Variants in PRKN observed in about 807,000 individuals in gnomAD.
PRKN encodes the protein E3 ubiquitin-protein ligase parkin.
A neutral mutation model predicts 59.5 loss-of-function variants in PRKN; 56 were observed. The ratio of observed to expected loss-of-function variants is 0.94; its 90% CI spans 0.76 to 1.18. The LOEUF is 1.18. Among genes scored for constraint, PRKN ranks in the 50% most tolerant of loss-of-function variants. PRKN has a pLI of 0.00. For missense variants in PRKN, 657 were observed against 596.4 expected (o/e 1.10, Z -1.06); for synonymous variants, 250 against 222.1 (o/e 1.13, Z -1.12).
Position 161,454,049 on chromosome 6 carries a change from T to C in PRKN, c.1084-67172A>G, listed in dbSNP as rs931831336. Among the ~76,000 whole-genome samples the C allele has an allele frequency of 5.3e-5, 8 of 152,248 alleles. No individual in the cohort carries two copies. In the South Asian group the frequency reaches 1.0e-3, roughly 20 times the overall value. On this transcript the variant is annotated intron_variant, in intron 9 of 11. Coordinates refer to ENST00000366898, the MANE Select transcript of PRKN (RefSeq NM_004562.3). This position sits in a 1 kb window ranked among gnomAD's most constrained non-coding sequence, Gnocchi z 4.6. ...GCAAATTCTGATGTCAGTAAATACA[T>C]TGAGAGACTAATTTGTCAAGCAAGC... is the stretch of plus-strand genomic sequence containing the variant.
chr6:162,277,765 A>C (rs759071053), intron 2 of PRKN, among the ~76,000 whole-genome samples: 28 of 152,200 alleles, frequency 1.8e-4, no homozygotes, highest in Non-Finnish European at 3.4e-4. Flanking sequence ...ATCCCAGAAC[A>C]AAGGCAACAC....
intron 6 of PRKN, among the ~76,000 whole-genome samples, chr6:161,859,666 T>G: frequency 6.7e-6 from 1 of 148,814 alleles, no homozygotes; most frequent in East Asian, 2.0e-4. Context: ...GTGACAAGAG[T>G]TAACAAAAAC....
rs10597403 is a variant in PRKN at position 161,733,959 on chromosome 6, TACACACACACACACACACAC to T, written c.871+51793_871+51812del. 7.2e-4 allele frequency among the ~76,000 whole-genome samples: 96 copies of T among 133,648 alleles called. No homozygotes were observed. The South Asian group carries it at 0.01, about 14-fold the overall frequency. The allele number at this position is 133,648 out of a possible 152,430, so 87.7% of individuals were successfully genotyped here. On this transcript the variant is annotated intron_variant, in intron 7 of 11. Coordinates refer to ENST00000366898, the MANE Select transcript of PRKN (RefSeq NM_004562.3). ...ACCTCTCTTTTATTGAAAATTCATT[TACACACACACACACACACAC>T]ACACACACACACACACACACACACA...
chr6:162,038,249 A>G (rs1454739122), intron 5 of PRKN, among the ~76,000 whole-genome samples: 1 of 152,178 alleles, frequency 6.6e-6, no homozygotes, highest in Non-Finnish European at 1.5e-5. Context: ...ATTTGAATAC[A>G]TGTTATTTGT....
At chr6:162,144,085 A>G (rs903973706) in intron 4 of PRKN, among the ~76,000 whole-genome samples, 1 of 152,200 alleles carries the variant, frequency 6.6e-6, no homozygotes, top group African/African-American at 2.4e-5. Context: ...AAGGCAAAGA[A>G]AGGGGCTGGT....
intron 1 of PRKN, among the ~76,000 whole-genome samples, chr6:162,580,289 T>C (rs763623631): frequency 2.6e-5 from 4 of 151,818 alleles, no homozygotes; most frequent in Non-Finnish European, 5.9e-5. Flanking sequence ...AATACAAAGA[T>C]TAGCCAGGTG....
At chr6:162,160,553 T>G (rs563847464) in intron 4 of PRKN, among the ~76,000 whole-genome samples, 2 of 152,248 alleles carry the variant, frequency 1.3e-5, no homozygotes, top group Admixed American at 6.5e-5. Flanking sequence ...TGTGTCAAAC[T>G]ATACCTCAGT....
rs146103654 is a variant in PRKN at position 162,081,955 on chromosome 6, T to C, written c.535-27781A>G. Among the ~76,000 whole-genome samples, 355 of 152,248 alleles carry C rather than the reference T, an allele frequency of 2.3e-3. 6 individuals are homozygous for C. The highest frequency in any genetic ancestry group is 8.0e-3 in the African/African-American group (332 of 41,508). ...ACTGTGATGGAGATGGCTTCTTTCC[T>C]TAAACCTCATGAATCTACCTCTGCC... On this transcript the variant is annotated intron_variant, in intron 4 of 11. Coordinates refer to ENST00000366898, the MANE Select transcript of PRKN (RefSeq NM_004562.3).
chr6:162,537,706 C>T (rs1393183583), intron 1 of PRKN, among the ~76,000 whole-genome samples: 1 of 152,172 alleles, frequency 6.6e-6, no homozygotes, highest in Non-Finnish European at 1.5e-5. Context: ...TGTCCTGTCC[C>T]TATTTCTACA....
chr6:162,226,975 A>C (rs546137709), intron 3 of PRKN, among the ~76,000 whole-genome samples: 1 of 152,320 alleles, frequency 6.6e-6, no homozygotes, highest in East Asian at 1.9e-4. Context: ...TTGCTGCGCT[A>C]ATGATCCGGC....
rs1780731410 is a variant in PRKN, at chr6:162,278,450, C to T, written c.172-15685G>A. Among the ~76,000 whole-genome samples the T allele has an allele frequency of 3.3e-5, 5 of 152,244 alleles. No homozygotes were observed. In the South Asian group the frequency reaches 1.0e-3, roughly 32 times the overall value. ...GTAAGCTATAAATGTGAAGTGATTA[C>T]AATGTGTCAATTTAGGTTTATCAGC... is the stretch of plus-strand genomic sequence containing the variant. On this transcript the variant is annotated intron_variant, in intron 2 of 11. Transcript: ENST00000366898.
chr6:161,348,149 ACTGTGTGCT>A lies in PRKN; in HGVS notation c.*1941_*1949del, dbSNP rs376011629. On this transcript the variant is annotated 3_prime_UTR_variant, in exon 12 of 12. Transcript: ENST00000366898. This position sits in a 1 kb window ranked among gnomAD's most constrained non-coding sequence, Gnocchi z 4.9. ...AAGAAAGCTATGGATGATGGAAAAC[ACTGTGTGCT>A]CCACGTGACAGAAGGGAGCCACCTG... 8.6e-3 allele frequency: 1,696 copies of A among 198,042 alleles called. 31 individuals are homozygous for A. Among genetic ancestry groups the A allele is most frequent in the African/African-American group, 0.036 (1,573 of 43,326 alleles). 12.3% of individuals were successfully genotyped at this position (198,042 alleles called of 1,614,324 possible). A position where few individuals can be genotyped will look rare whatever the true frequency, so the allele number is the denominator to read the frequency against.
chr6:162,434,483 ATT>A (rs1198624008), intron 2 of PRKN, among the ~76,000 whole-genome samples: 1 of 152,158 alleles, frequency 6.6e-6, no homozygotes, highest in Admixed American at 6.5e-5. Flanking sequence ...TGATAATTTT[ATT>A]TTTATCAATA....
At chr6:162,475,845 G>A (rs927405667) in intron 1 of PRKN, among the ~76,000 whole-genome samples, 7 of 152,126 alleles carry the variant, frequency 4.6e-5, no homozygotes, top group South Asian at 2.1e-4. Context: ...TCCGCCTCCC[G>A]GGCTCAAGTG....
intron 2 of PRKN, among the ~76,000 whole-genome samples, chr6:162,352,880 C>T (rs745919474): frequency 2.6e-5 from 4 of 152,072 alleles, no homozygotes; most frequent in Non-Finnish European, 4.4e-5. Flanking sequence ...CCTATAATGG[C>T]ATAATTTAAA....
rs376687124 is a variant in PRKN, at chr6:162,634,844, G to A, written c.7+92818C>T. 5.3e-5 allele frequency among the ~76,000 whole-genome samples: 8 copies of A among 152,194 alleles called. 1 individual carries two copies. The highest frequency in any genetic ancestry group is 1.7e-4 in the African/African-American group (7 of 41,530). ...TCACCATGTTGGCCAGCATGGTCTCGATCTCTTGACCTCATGATCCATCGG... is the reference window on the plus strand; with the variant it reads ...TCACCATGTTGGCCAGCATGGTCTCAATCTCTTGACCTCATGATCCATCGG... On this transcript the variant is annotated intron_variant, in intron 1 of 11. Coordinates refer to ENST00000366898, the MANE Select transcript of PRKN (RefSeq NM_004562.3).
intron 1 of PRKN, among the ~76,000 whole-genome samples, chr6:162,650,442 C>CA (rs1421462859): frequency 6.6e-6 from 1 of 151,328 alleles, no homozygotes; most frequent in East Asian, 1.9e-4. Context: ...ACTAAAAATA[C>CA]AAAAAATTAG....
At position 161,604,396 on chromosome 6, in the gene PRKN, C is replaced by T. The variant is rs142452320; in HGVS notation, c.872-34980G>A. ...CTCCAGGAGGATGGCATTCTTTACA[C>T]AACAGAAAGCCTCCACCATGGTGAT... On this transcript the variant is annotated intron_variant, in intron 7 of 11. Coordinates refer to ENST00000366898, the MANE Select transcript of PRKN (RefSeq NM_004562.3). Among the ~76,000 whole-genome samples, 403 of 152,274 alleles carry T rather than the reference C, an allele frequency of 2.6e-3. 1 individual carries two copies. Among genetic ancestry groups the T allele is most frequent in the African/African-American group, 9.3e-3 (385 of 41,560 alleles).
In PRKN at chr6:161,509,086, C is replaced by T. The variant is rs545654430; in HGVS notation, c.1083+39768G>A. Among the ~76,000 whole-genome samples the T allele has an allele frequency of 5.9e-5, 9 of 152,230 alleles. No homozygotes were observed. In the South Asian group the frequency reaches 1.2e-3, roughly 21 times the overall value. On this transcript the variant is annotated intron_variant, in intron 9 of 11. Coordinates refer to ENST00000366898, the MANE Select transcript of PRKN (RefSeq NM_004562.3). ...CTCGAACTCCTGACCTCAGGTGATCCGCCAGTCTTGGCCTCCCAAAGTGCT... is the reference window on the plus strand; with the variant it reads ...CTCGAACTCCTGACCTCAGGTGATCTGCCAGTCTTGGCCTCCCAAAGTGCT...
Sources: gnomAD v4.1 joint callset for allele counts (sites outside exome capture counted in the v4.1 genomes callset) on GRCh38, gnomAD v4.1.1 for gene constraint, Gnocchi (gnomAD v3.1) non-coding constraint, MANE v1.5 for transcripts, NCBI Gene and HGNC (gene_info 2026-07-23, HGNC 2026-07-21) for gene names.